PDE12: variants seen among roughly 807,000 people sequenced by gnomAD.
PDE12 encodes phosphodiesterase 12, also known as 2',5'-phosphodiesterase 12.
A neutral mutation model predicts 45.4 loss-of-function variants in PDE12; 26 were observed. The observed-to-expected ratio is 0.57, with a 90% CI of 0.42 to 0.79. The LOEUF (loss-of-function observed/expected upper bound fraction) is 0.79, where lower values mean the gene tolerates loss of function less well. Ranked by LOEUF, PDE12 falls within the 30% of genes least tolerant of loss-of-function variation. The pLI, the probability that PDE12 is intolerant of heterozygous loss-of-function variation, is 0.00. For synonymous variants in PDE12, 283 were observed against 323.9 expected (o/e 0.87, Z 1.36); for missense variants, 668 against 790.0 (o/e 0.85, Z 1.85).
chr3:57,642,530 CAG>C, the PDE12 span, among the ~76,000 whole-genome samples: 1 of 151,936 alleles, frequency 6.6e-6, no homozygotes, highest in African/African-American at 2.4e-5. Flanking sequence ...TAGAACTACA[CAG>C]AGTTTAGCAT....
At chr3:57,575,705 C>T in the PDE12 span, 1 of 1,572,718 alleles carries the variant, frequency 6.4e-7, no homozygotes, top group Non-Finnish European at 8.6e-7. Context: ...TTAACAACTA[C>T]CAACCGGAAT....
At chr3:57,578,514 A>G in the PDE12 span, among the ~76,000 whole-genome samples, 3 of 147,684 alleles carry the variant, frequency 2.0e-5, no homozygotes, top group Non-Finnish European at 4.5e-5. Flanking sequence ...ACAGGGTCTC[A>G]ACTCTGTTGC....
the PDE12 span, among the ~76,000 whole-genome samples, chr3:57,592,919 C>T: frequency 7.9e-5 from 12 of 152,218 alleles, no homozygotes; most frequent in East Asian, 3.9e-4. Context: ...AAAGGCTGAG[C>T]GTGTACCAGG....
At chr3:57,589,442 G>A in the PDE12 span, among the ~76,000 whole-genome samples, 55 of 152,082 alleles carry the variant, frequency 3.6e-4, no homozygotes, top group Non-Finnish European at 6.2e-4. Flanking sequence ...AAACAAGGCC[G>A]GGCCCCGTGG....
At chr3:57,599,931 C>T in the PDE12 span, 1 of 150,670 alleles carries the variant, frequency 6.6e-6, no homozygotes, top group African/African-American at 2.4e-5. Context: ...TGGGCCCAAG[C>T]AATCCTTCCA....
the PDE12 span, among the ~76,000 whole-genome samples, chr3:57,607,906 A>G: frequency 1.3e-5 from 2 of 152,146 alleles, no homozygotes; most frequent in African/African-American, 2.4e-5. Context: ...GATACTCCTC[A>G]AGAAGAGCAA....
chr3:57,575,299 T>G, the PDE12 span, among the ~76,000 whole-genome samples: 8 of 91,494 alleles, frequency 8.7e-5, no homozygotes, highest in African/African-American at 2.3e-4. Context: ...CTTCCACCTC[T>G]CCCTTCAAAA....
chr3:57,650,984 A>G, the PDE12 span, among the ~76,000 whole-genome samples: 1 of 152,116 alleles, frequency 6.6e-6, no homozygotes, highest in Admixed American at 6.5e-5. Context: ...GGGTTTCTCC[A>G]TGCCAGTCAG....
the PDE12 span, among the ~76,000 whole-genome samples, chr3:57,622,939 G>A: frequency 6.6e-6 from 1 of 152,280 alleles, no homozygotes; most frequent in East Asian, 1.9e-4. Flanking sequence ...TTGTTTGGGG[G>A]AGACAGGAGT....
chr3:57,604,253 A>C, the PDE12 span, among the ~76,000 whole-genome samples: 3 of 152,138 alleles, frequency 2.0e-5, no homozygotes, highest in East Asian at 5.8e-4. Flanking sequence ...AGTTACTTAA[A>C]TATCTTCTAA....
the PDE12 span, among the ~76,000 whole-genome samples, chr3:57,604,587 C>T: frequency 1.0e-5 from 1 of 95,384 alleles, no homozygotes; most frequent in East Asian, 3.2e-4. Context: ...CCTCTCATGT[C>T]TTTCTTTTTC....
At chr3:57,623,339 C>T in the PDE12 span, among the ~76,000 whole-genome samples, 1 of 152,118 alleles carries the variant, frequency 6.6e-6, no homozygotes, top group Non-Finnish European at 1.5e-5. Flanking sequence ...ACCCATTTCA[C>T]TAAATGAATG....
At chr3:57,619,021 G>A in the PDE12 span, among the ~76,000 whole-genome samples, 3 of 152,104 alleles carry the variant, frequency 2.0e-5, no homozygotes, top group African/African-American at 7.2e-5. Flanking sequence ...AAATACATTT[G>A]TCAAATACTT....
the PDE12 span, among the ~76,000 whole-genome samples, chr3:57,582,403 C>T: frequency 6.0e-5 from 9 of 149,848 alleles, no homozygotes; most frequent in South Asian, 2.2e-4. Flanking sequence ...CCACCACGCC[C>T]GGCTAATTTT....
At chr3:57,646,278 A>C in the PDE12 span, 2 of 1,312,088 alleles carry the variant, frequency 1.5e-6, no homozygotes, top group Non-Finnish European at 2.0e-6. Flanking sequence ...TGCAGCATCC[A>C]AAAAAAAAAC....
the PDE12 span, among the ~76,000 whole-genome samples, chr3:57,607,843 C>T: frequency 1.4e-4 from 22 of 152,198 alleles, 1 homozygote; most frequent in Admixed American, 1.2e-3. Context: ...ACTTCCCCAA[C>T]CTAGCAAGGC....
chr3:57,576,504 CT>C, the PDE12 span, among the ~76,000 whole-genome samples: 16,429 of 101,518 alleles, frequency 0.16, 379 homozygotes, highest in East Asian at 0.32. Context: ...CTCAACCAAG[CT>C]TTTTTTTTTT....
In PDE12 at chr3:57,565,405, T is replaced by A. The variant is rs2069776641; in HGVS notation, c.*5401T>A. On this transcript the variant is annotated 3_prime_UTR_variant, in exon 3 of 3. Coordinates refer to ENST00000311180, the MANE Select transcript of PDE12 (RefSeq NM_177966.7). ...TATATATTTATGTGGGACATATTTC[T>A]TTTGATAGAGTAAATTGAGTATTCA... 6.6e-6 allele frequency: 1 copy of A among 152,238 alleles called. No individual in the cohort carries two copies. Among genetic ancestry groups the A allele is most frequent in the South Asian group, 2.1e-4 (1 of 4,832 alleles). The allele number at this position is 152,238 out of a possible 1,614,324, so 9.4% of individuals were successfully genotyped here.
rs1326026254 is a variant in PDE12 at position 57,564,404 on chromosome 3, T to C, written c.*4400T>C. On this transcript the variant is annotated 3_prime_UTR_variant, in exon 3 of 3. Transcript: ENST00000311180. ...CAAAATTTCACAGAAAACTGAATTA[T>C]TCATCTCTATCTTCTGTCCAATTTA... is the stretch of plus-strand genomic sequence containing the variant. The C allele has an allele frequency of 1.3e-5, 2 of 152,240 alleles. No homozygotes were observed. The highest frequency in any genetic ancestry group is 4.8e-5 in the African/African-American group (2 of 41,470). 9.4% of individuals were successfully genotyped at this position (152,240 alleles called of 1,614,324 possible).
Sources: allele counts gnomAD v4.1 joint callset (sites outside exome capture counted in the v4.1 genomes callset), GRCh38; gene constraint gnomAD v4.1.1; transcripts MANE v1.5; gene names NCBI Gene and HGNC (gene_info 2026-07-23, HGNC 2026-07-21).